INTS9: variants seen among roughly 807,000 people sequenced by gnomAD.
INTS9 encodes the protein integrator complex subunit 9.
A neutral mutation model predicts 79.7 loss-of-function variants in INTS9; 55 were observed. The observed-to-expected ratio is 0.69, with a 90% CI of 0.56 to 0.86. The LOEUF (loss-of-function observed/expected upper bound fraction) is 0.86. Among genes scored for constraint, INTS9 ranks in the 40% least tolerant of loss-of-function variants. The probability of loss-of-function intolerance (pLI) is 0.00; values close to 1 mark genes in which losing one functional copy is unlikely to be tolerated. For synonymous variants in INTS9, 319 were observed against 325.2 expected (o/e 0.98, Z 0.20); for missense variants, 721 against 831.5 (o/e 0.87, Z 1.64).
intron 6 of INTS9, among the ~76,000 whole-genome samples, chr8:28,828,128 C>A (rs1316421516): frequency 6.6e-6 from 1 of 152,226 alleles, no homozygotes; most frequent in East Asian, 1.9e-4. Flanking sequence ...AGAACTCTAA[C>A]ACAAGTGGAC....
chr8:28,867,745 A>G (rs553606350), intron 1 of INTS9, among the ~76,000 whole-genome samples: 262 of 151,468 alleles, frequency 1.7e-3, no homozygotes, highest in Non-Finnish European at 2.9e-3. Context: ...AAAAAGAACC[A>G]TAGACTAAAA....
intron 10 of INTS9, 28 bp from the exon 11 acceptor site, chr8:28,787,917 T>C (rs1486904135): frequency 6.4e-7 from 1 of 1,551,762 alleles, no homozygotes; most frequent in South Asian, 1.1e-5. Flanking sequence ...CACATCAGCA[T>C]GTGAGGAAGA....
rs1477835046 is a variant in INTS9 at position 28,769,942 on chromosome 8, G to T, written c.1747C>A (p.Pro583Thr). 2 of 1,614,208 alleles carry T rather than the reference G, an allele frequency of 1.2e-6. No homozygotes were observed. Among genetic ancestry groups the T allele is most frequent in the Non-Finnish European group, 8.5e-7 (1 of 1,180,024 alleles). The change falls in exon 16 of 17, where the codon CCT (proline) becomes ACT (threonine). Residue 583 changes from proline (P) to threonine (T), a missense_variant. By Grantham distance (38) the Pro-to-Thr change is conservative. Transcript: ENST00000521022. ...DDVPDCKVLK[P>T]LLSGSIPVEQ... ...ACAGGGATGGAACCGCTCAACAAAG[G>T]CTTCAGGACTTTGCAGTCTGGTACG...
At chr8:28,847,561 A>G (rs1807599056) in intron 3 of INTS9, among the ~76,000 whole-genome samples, 2 of 152,124 alleles carry the variant, frequency 1.3e-5, no homozygotes. Context: ...TTTTCCGTGC[A>G]GAACATACCA....
chr8:28,803,150 C>T (rs1473144034), intron 8 of INTS9, among the ~76,000 whole-genome samples: 1 of 151,878 alleles, frequency 6.6e-6, no homozygotes, highest in Non-Finnish European at 1.5e-5. Flanking sequence ...TAAAACCAAG[C>T]CCTAACGTCT....
At chr8:28,774,410 T>A (rs1366667397) in intron 14 of INTS9, among the ~76,000 whole-genome samples, 1 of 152,228 alleles carries the variant, frequency 6.6e-6, no homozygotes, top group African/African-American at 2.4e-5. Flanking sequence ...GGAGTTCTAT[T>A]TGTAAGGATG....
intron 1 of INTS9, among the ~76,000 whole-genome samples, chr8:28,861,839 C>T (rs1366867449): frequency 3.9e-5 from 6 of 152,270 alleles, no homozygotes; most frequent in South Asian, 2.1e-4. Flanking sequence ...GGAATGCTAA[C>T]GGCTACCACC....
At chr8:28,885,613 A>T (rs995403079) in intron 1 of INTS9, among the ~76,000 whole-genome samples, 12 of 152,212 alleles carry the variant, frequency 7.9e-5, no homozygotes, top group African/African-American at 2.9e-4. Flanking sequence ...TGCATTCTTG[A>T]ACTGCTTTGG....
rs146987371 is a variant in INTS9 at position 28,871,151 on chromosome 8, A to T, written c.10-11588T>A. Among the ~76,000 whole-genome samples, 500 of 152,282 alleles carry T rather than the reference A, an allele frequency of 3.3e-3. 3 individuals are homozygous for T. Among genetic ancestry groups the T allele is most frequent in the Non-Finnish European group, 4.3e-3 (293 of 68,004 alleles). ...GTAGTAAGTTAGGAGTCAGCAAAGG[A>T]AAGAGCTTCCGTTTGTCTCTACCAT... On this transcript the variant is annotated intron_variant, in intron 1 of 16. Coordinates refer to ENST00000521022, the MANE Select transcript of INTS9 (RefSeq NM_018250.4).
chr8:28,821,837 A>G (rs1805851801), intron 6 of INTS9, among the ~76,000 whole-genome samples: 1 of 150,580 alleles, frequency 6.6e-6, no homozygotes, highest in Admixed American at 6.7e-5. Context: ...TGGCATAATC[A>G]CAGCTCACTG....
At chr8:28,815,770 C>T (rs1221188989) in intron 6 of INTS9, among the ~76,000 whole-genome samples, 1 of 152,082 alleles carries the variant, frequency 6.6e-6, no homozygotes, top group Non-Finnish European at 1.5e-5. Flanking sequence ...ATAAGGGAAT[C>T]TTATGTGGCA....
rs533990492 is a variant in INTS9, at chr8:28,845,587, G to A, written c.261+1160C>T. On this transcript the variant is annotated intron_variant, in intron 4 of 16. Coordinates refer to ENST00000521022, the MANE Select transcript of INTS9 (RefSeq NM_018250.4). Reference sequence around the variant, plus strand: ...AAATTCTACAGTGGTGTCCATAAATGGAAGGTTGCAGTAGTTGGCGTGACA... The same window carrying A: ...AAATTCTACAGTGGTGTCCATAAATAGAAGGTTGCAGTAGTTGGCGTGACA... 2.6e-5 allele frequency among the ~76,000 whole-genome samples: 4 copies of A among 152,328 alleles called. No individual in the cohort carries two copies. The South Asian group carries it at 8.3e-4, about 32-fold the overall frequency.
chr8:28,840,241 G>T (rs1807087553), intron 4 of INTS9, among the ~76,000 whole-genome samples: 1 of 151,686 alleles, frequency 6.6e-6, no homozygotes, highest in Non-Finnish European at 1.5e-5. Context: ...ACCACAATGA[G>T]ATACCATCTC....
Position 28,824,072 on chromosome 8 carries a change from C to G in INTS9, c.489-10460G>C, listed in dbSNP as rs79769821. ...TCTATACATATTTACTGAGCACTGACTGTGGTCTCAGGACTTAAGTCACAT... is the reference window on the plus strand; with the variant it reads ...TCTATACATATTTACTGAGCACTGAGTGTGGTCTCAGGACTTAAGTCACAT... On this transcript the variant is annotated intron_variant, in intron 6 of 16. Coordinates refer to ENST00000521022, the MANE Select transcript of INTS9 (RefSeq NM_018250.4). Among the ~76,000 whole-genome samples, 334 of 152,316 alleles carry G rather than the reference C, an allele frequency of 2.2e-3. 1 individual carries two copies. The highest frequency in any genetic ancestry group is 7.7e-3 in the African/African-American group (321 of 41,554).
rs202224295 is a variant in INTS9, at chr8:28,813,588, A to G, written c.513T>C (p.Asp171=). Residue 171 remains aspartate (D), a synonymous_variant, in exon 7 of 17, where the codon GAT becomes GAC. Coordinates refer to ENST00000521022, the MANE Select transcript of INTS9 (RefSeq NM_018250.4). ...IQRLLPSPLK[D]AVEVSTWRRC... is the part of the protein sequence containing the mutation. Reference sequence around the variant, plus strand: ...TTCTCCAGGTTGAGACTTCCACTGCATCCTTGAGAGGAGAAGGTAACAGCC... The same window carrying G: ...TTCTCCAGGTTGAGACTTCCACTGCGTCCTTGAGAGGAGAAGGTAACAGCC... The G allele has an allele frequency of 5.8e-5, 93 of 1,613,938 alleles. No homozygotes were observed. In the African/African-American group the frequency reaches 8.4e-4, roughly 15 times the overall value.
At chr8:28,873,834 C>G (rs1275016780) in intron 1 of INTS9, among the ~76,000 whole-genome samples, 1 of 152,142 alleles carries the variant, frequency 6.6e-6, no homozygotes, top group Non-Finnish European at 1.5e-5. Context: ...GAGGATCCCC[C>G]CTTCCCACTA....
At chr8:28,845,924 A>G (rs374222718) in intron 4 of INTS9, among the ~76,000 whole-genome samples, 18 of 152,262 alleles carry the variant, frequency 1.2e-4, no homozygotes, top group Non-Finnish European at 2.4e-4. Flanking sequence ...GATATTAAAC[A>G]AAGTGTAGAA....
At chr8:28,789,771 A>C (rs559975288) in intron 10 of INTS9, among the ~76,000 whole-genome samples, 3 of 152,292 alleles carry the variant, frequency 2.0e-5, no homozygotes, top group African/African-American at 7.2e-5. Flanking sequence ...CCAGGTACTC[A>C]GGAGGCTGAG....
chr8:28,853,969 C>T (rs1240833682), intron 2 of INTS9, among the ~76,000 whole-genome samples: 1 of 152,154 alleles, frequency 6.6e-6, no homozygotes, highest in Non-Finnish European at 1.5e-5. Context: ...TCTGCCCGCG[C>T]CTCAGCCTCC....
Sources: allele counts gnomAD v4.1 joint callset (sites outside exome capture counted in the v4.1 genomes callset), GRCh38; gene constraint gnomAD v4.1.1; transcripts MANE v1.5; gene names NCBI Gene and HGNC (gene_info 2026-07-23, HGNC 2026-07-21).